GREM2: variants seen among roughly 807,000 people sequenced by gnomAD.
GREM2 encodes the protein gremlin 2, DAN family BMP antagonist, also known as gremlin-2.
Under a neutral mutation model 14.2 loss-of-function variants are expected in GREM2, and 11 were observed. That is an observed-to-expected ratio of 0.78 (90% CI 0.49 to 1.28). The LOEUF (loss-of-function observed/expected upper bound fraction) is 1.28. Among genes scored for constraint, GREM2 ranks in the 50% most tolerant of loss-of-function variants. The pLI, the probability that GREM2 is intolerant of heterozygous loss-of-function variation, is 0.00. For missense variants in GREM2, 210 were observed against 218.5 expected (o/e 0.96, Z 0.24); for synonymous variants, 98 against 97.6 (o/e 1.00, Z -0.02).
At chr1:240,578,014 G>A (rs1002211310) in intron 1 of GREM2, among the ~76,000 whole-genome samples, 1 of 152,128 alleles carries the variant, frequency 6.6e-6, no homozygotes, top group Non-Finnish European at 1.5e-5. Flanking sequence ...AAGGTGGGTC[G>A]CTGGGCTGTT....
chr1:240,519,077 TTCTC>T (rs1273851795), intron 1 of GREM2, among the ~76,000 whole-genome samples: 1 of 152,192 alleles, frequency 6.6e-6, no homozygotes, highest in East Asian at 1.9e-4. Context: ...TTACAATAGA[TTCTC>T]TCAAAAAGCA....
intron 1 of GREM2, chr1:240,589,253 T>G (rs1572413457): frequency 6.6e-6 from 1 of 152,114 alleles, no homozygotes; most frequent in East Asian, 1.9e-4. Flanking sequence ...CTGACCAACA[T>G]GGAGAAACCC....
intron 1 of GREM2, among the ~76,000 whole-genome samples, chr1:240,513,619 G>A (rs1677886202): frequency 1.3e-5 from 2 of 151,412 alleles, no homozygotes; most frequent in Admixed American, 1.3e-4. Context: ...AGAAAGGCCA[G>A]GATGGTTGGA....
rs367591760 is a variant in GREM2 at position 240,526,361 on chromosome 1, GGCATTTCTTACAAACA to G, written c.-1-32901_-1-32886del. Among the ~76,000 whole-genome samples the G allele has an allele frequency of 1.2e-3, 189 of 152,280 alleles. 1 individual carries two copies. The highest frequency in any genetic ancestry group is 4.5e-3 in the African/African-American group (185 of 41,542). On this transcript the variant is annotated intron_variant, in intron 1 of 1. Coordinates refer to ENST00000318160, the MANE Select transcript of GREM2 (RefSeq NM_022469.4). ...GGGGTGATTATTTTGTCAAAATTAA[GGCATTTCTTACAAACA>G]GCACACAAGCTTAACATGCTGGTTT... is the stretch of plus-strand genomic sequence containing the variant.
At chr1:240,605,382 T>TG (rs1281908259) in intron 1 of GREM2, among the ~76,000 whole-genome samples, 2 of 151,746 alleles carry the variant, frequency 1.3e-5, no homozygotes, top group African/African-American at 2.4e-5. Context: ...GAGGCTGAGG[T>TG]GGGGGGATCA....
chr1:240,609,860 G>T (rs1283224123), intron 1 of GREM2, among the ~76,000 whole-genome samples: 29 of 151,988 alleles, frequency 1.9e-4, no homozygotes, highest in Non-Finnish European at 1.8e-4. Flanking sequence ...AGATTTAAAG[G>T]CATGTACCTT....
chr1:240,544,429 G>A (rs369298063), intron 1 of GREM2, among the ~76,000 whole-genome samples: 1 of 152,120 alleles, frequency 6.6e-6, no homozygotes. Context: ...TTACAGGCGT[G>A]AGCCACCGCG....
chr1:240,573,775 A>G (rs1679304624), intron 1 of GREM2, among the ~76,000 whole-genome samples: 1 of 152,152 alleles, frequency 6.6e-6, no homozygotes, highest in South Asian at 2.1e-4. Context: ...CAGCTCTGAA[A>G]GAAGTTGCTT....
At chr1:240,600,203 C>A (rs541900914) in intron 1 of GREM2, among the ~76,000 whole-genome samples, 1 of 133,548 alleles carries the variant, frequency 7.5e-6, no homozygotes. Flanking sequence ...TTTGGGCTAT[C>A]GCTTCCTTAT....
chr1:240,549,877 G>C (rs549325988), intron 1 of GREM2: 1 of 152,362 alleles, frequency 6.6e-6, no homozygotes, highest in African/African-American at 2.4e-5. Flanking sequence ...AGAGCCATGA[G>C]GTGGGGCATA....
intron 1 of GREM2, among the ~76,000 whole-genome samples, chr1:240,585,863 T>A (rs1679589668): frequency 6.6e-6 from 1 of 151,228 alleles, no homozygotes; most frequent in Non-Finnish European, 1.5e-5. Context: ...TAAAGAACAC[T>A]GAGTTAAGAG....
rs139246987 is a variant in GREM2, at chr1:240,593,532, G to A, written c.-2+18352C>T. 5.3e-5 allele frequency among the ~76,000 whole-genome samples: 8 copies of A among 152,320 alleles called. No homozygotes were observed. The East Asian group carries it at 1.4e-3, about 26-fold the overall frequency. Reference sequence around the variant, plus strand: ...GTCTACCTAGTTTACAAGATTAGGTGAAGATTAAATGAGATCGTGAACAAA... The same window carrying A: ...GTCTACCTAGTTTACAAGATTAGGTAAAGATTAAATGAGATCGTGAACAAA... On this transcript the variant is annotated intron_variant, in intron 1 of 1. Transcript: ENST00000318160.
chr1:240,518,974 A>T (rs1460438012), intron 1 of GREM2, among the ~76,000 whole-genome samples: 1 of 107,812 alleles, frequency 9.3e-6, no homozygotes, highest in African/African-American at 3.0e-5. Context: ...TAAAGAGACA[A>T]TACTCAATGG....
intron 1 of GREM2, among the ~76,000 whole-genome samples, chr1:240,522,650 T>TAA (rs1678127085): frequency 6.6e-6 from 1 of 152,214 alleles, no homozygotes; most frequent in African/African-American, 2.4e-5. Flanking sequence ...TTTGTTAACT[T>TAA]TTAGTAATTT....
chr1:240,493,465 T>G lies in GREM2; in HGVS notation c.11A>C (p.Lys4Thr). The change falls in exon 2 of 2, where the codon AAG (lysine) becomes ACG (threonine). Residue 4 changes from lysine to threonine, a missense_variant. Lys to Thr is a moderately conservative substitution (Grantham distance 78, BLOSUM62 -1). Transcript: ENST00000318160. MFW[K>T]LSLSLFLVAV... is the part of the protein sequence containing the mutation. ...CACCAGGAACAAGGACAGGGAAAGC[T>G]TCCAGAACATCCTGCAAACGAGAAA... The G allele has an allele frequency of 1.9e-6, 3 of 1,605,010 alleles. No individual in the cohort carries two copies. The highest frequency in any genetic ancestry group is 2.6e-6 in the Non-Finnish European group (3 of 1,175,016).
chr1:240,531,788 A>C (rs1464214534), intron 1 of GREM2: 2 of 588,452 alleles, frequency 3.4e-6, no homozygotes, highest in Non-Finnish European at 4.3e-6. Flanking sequence ...GGCTCACTGC[A>C]ACCTCCGCCT....
chr1:240,568,578 G>T (rs998635642), intron 1 of GREM2, among the ~76,000 whole-genome samples: 2 of 152,046 alleles, frequency 1.3e-5, no homozygotes, highest in African/African-American at 4.8e-5. Context: ...TCTATAATAA[G>T]TATACTCTGA....
chr1:240,516,993 T>C (rs1677971134), intron 1 of GREM2, among the ~76,000 whole-genome samples: 1 of 152,124 alleles, frequency 6.6e-6, no homozygotes. Flanking sequence ...AGTCTTCAAA[T>C]CGCTTTGTGC....
Position 240,493,251 on chromosome 1 carries a change from C to A in GREM2, c.225G>T (p.Thr75=), listed in dbSNP as rs752063931. 1 of 1,614,052 alleles carries A rather than the reference C, an allele frequency of 6.2e-7. No homozygotes were observed. Among genetic ancestry groups the A allele is most frequent in the Non-Finnish European group, 8.5e-7 (1 of 1,179,996 alleles). The change falls in exon 2 of 2, where the codon ACG becomes ACT. Residue 75 remains threonine (T), a synonymous_variant. Transcript: ENST00000318160. ...CGCTCACCGTCTGCCGCAGCGGCTG[C>A]GTCTTGCACCAGTCACTCTTGAGGT... ...RKYLKSDWCK[T]QPLRQTVSEE...
Sources: allele counts gnomAD v4.1 joint callset (sites outside exome capture counted in the v4.1 genomes callset), GRCh38; gene constraint gnomAD v4.1.1; transcripts MANE v1.5; gene names NCBI Gene and HGNC (gene_info 2026-07-23, HGNC 2026-07-21).